Variants in MAP4K3 observed in about 807,000 individuals in gnomAD.
The protein encoded by MAP4K3 is mitogen-activated protein kinase kinase kinase kinase 3.
Under a neutral mutation model 143.5 loss-of-function variants are expected in MAP4K3, and 94 were observed. That is an observed-to-expected ratio of 0.65 (90% confidence interval 0.55 to 0.78). The LOEUF (loss-of-function observed/expected upper bound fraction) is 0.78, where lower values mean the gene tolerates loss of function less well. Among genes scored for constraint, MAP4K3 ranks in the 30% least tolerant of loss-of-function variants. The pLI, the probability that MAP4K3 is intolerant of heterozygous loss-of-function variation, is 0.00. For missense variants in MAP4K3, 1,077 were observed against 1,068.1 expected (o/e 1.01, Z -0.12); for synonymous variants, 416 against 347.2 (o/e 1.20, Z -2.20).
At chr2:39,358,128 C>A (rs1213892505) in intron 2 of MAP4K3, among the ~76,000 whole-genome samples, 1 of 152,208 alleles carries the variant, frequency 6.6e-6, no homozygotes, top group African/African-American at 2.4e-5. Flanking sequence ...CTGTACATGA[C>A]CAATAAACTC....
intron 15 of MAP4K3, among the ~76,000 whole-genome samples, chr2:39,301,782 G>C (rs1011881740): frequency 6.6e-6 from 1 of 152,194 alleles, no homozygotes; most frequent in Non-Finnish European, 1.5e-5. Flanking sequence ...CCAGCACTTC[G>C]GGAGGGCCGA....
In MAP4K3 at chr2:39,346,828, C is replaced by T. The variant is rs555359007; in HGVS notation, c.246-3376G>A. Among the ~76,000 whole-genome samples the T allele has an allele frequency of 7.9e-5, 12 of 152,172 alleles. No homozygotes were observed. The South Asian group carries it at 2.5e-3, about 32-fold the overall frequency. On this transcript the variant is annotated intron_variant, in intron 3 of 33. Transcript: ENST00000263881. ...GATTACTTAGAATTACCATTTGGCA[C>T]TTCTCTGCCTCTGCCTGAGATATAA...
chr2:39,385,109 A>G (rs1666460195), intron 1 of MAP4K3, among the ~76,000 whole-genome samples: 1 of 152,176 alleles, frequency 6.6e-6, no homozygotes, highest in Non-Finnish European at 1.5e-5. Flanking sequence ...TCATCCATTT[A>G]CCAGTTGAAG....
Position 39,369,205 on chromosome 2 carries a change from G to GTTTTTTTGTTTTTT in MAP4K3, c.154+8860_154+8861insAAAAAACAAAAAAA, listed in dbSNP as rs1553419631. Among the ~76,000 whole-genome samples the GTTTTTTTGTTTTTT allele has an allele frequency of 1.6e-4, 20 of 125,368 alleles. 2 individuals carry two copies. In the East Asian group the frequency reaches 1.6e-3, roughly 10 times the overall value. The allele number at this position is 125,368 out of a possible 152,430, so 82.2% of individuals were successfully genotyped here. ...AACCTTTGGGCTAGTTTTTTTTTTT[G>GTTTTTTTGTTTTTT]TTTTTTTTGAGATGCAGTTTTGCTC... On this transcript the variant is annotated intron_variant, in intron 2 of 33. Transcript: ENST00000263881.
Position 39,262,874 on chromosome 2 carries a change from G to A in MAP4K3, c.2137-2097C>T, listed in dbSNP as rs115587111. On this transcript the variant is annotated intron_variant, in intron 28 of 33. Coordinates refer to ENST00000263881, the MANE Select transcript of MAP4K3 (RefSeq NM_003618.4). Reference sequence around the variant, plus strand: ...AATCCCAGCACTTTGGGAGTATGACGCGGGTGGATCACCTGAGGTCAGGAG... The same window carrying A: ...AATCCCAGCACTTTGGGAGTATGACACGGGTGGATCACCTGAGGTCAGGAG... Among the ~76,000 whole-genome samples the A allele has an allele frequency of 6.8e-3, 1,037 of 152,180 alleles. 13 individuals carry two copies. The highest frequency in any genetic ancestry group is 0.024 in the African/African-American group (996 of 41,514).
intron 1 of MAP4K3, among the ~76,000 whole-genome samples, chr2:39,391,911 G>A (rs573764746): frequency 2.0e-5 from 3 of 151,998 alleles, no homozygotes; most frequent in Admixed American, 2.0e-4. Context: ...GGCCAGGCGC[G>A]GTGGCTCACA....
chr2:39,289,216 A>C (rs1051661656), intron 19 of MAP4K3, among the ~76,000 whole-genome samples: 6 of 152,186 alleles, frequency 3.9e-5, no homozygotes, highest in African/African-American at 1.4e-4. Context: ...CTCAGCACTT[A>C]TTTCTTTGAA....
At chr2:39,253,882 C>G (rs917324923) in intron 32 of MAP4K3, among the ~76,000 whole-genome samples, 7 of 152,086 alleles carry the variant, frequency 4.6e-5, no homozygotes, top group Non-Finnish European at 7.3e-5. Context: ...ATATGTCACA[C>G]AGCTTGGAGT....
At chr2:39,350,137 A>G (rs995735363) in intron 3 of MAP4K3, among the ~76,000 whole-genome samples, 2 of 152,200 alleles carry the variant, frequency 1.3e-5, no homozygotes, top group Non-Finnish European at 2.9e-5. Flanking sequence ...CACAACAAAA[A>G]AGTATCTGGC....
At chr2:39,339,199 T>A (rs372081052) in intron 4 of MAP4K3, among the ~76,000 whole-genome samples, 1 of 152,194 alleles carries the variant, frequency 6.6e-6, no homozygotes, top group African/African-American at 2.4e-5. Context: ...GAGAAATCTA[T>A]TCCAATTAGA....
intron 1 of MAP4K3, among the ~76,000 whole-genome samples, chr2:39,383,730 A>G (rs932482004): frequency 7.9e-5 from 12 of 152,136 alleles, no homozygotes; most frequent in African/African-American, 2.9e-4. Context: ...ATAAACCCTG[A>G]GCTGACATGA....
intron 1 of MAP4K3, among the ~76,000 whole-genome samples, chr2:39,415,980 A>ATAT (rs1159823679): frequency 1.4e-4 from 2 of 14,756 alleles, no homozygotes; most frequent in East Asian, 2.5e-3. Context: ...AAAAAAAAAA[A>ATAT]ATATATATAT....
chr2:39,400,379 A>G (rs1666920895), intron 1 of MAP4K3, among the ~76,000 whole-genome samples: 1 of 152,236 alleles, frequency 6.6e-6, no homozygotes, highest in South Asian at 2.1e-4. Context: ...CTGCTAAATT[A>G]GTAGGTATGC....
rs1680108212 is a variant in MAP4K3, at chr2:39,250,462, TAAAAC to T, written c.*151_*155del. 2 of 649,648 alleles carry T rather than the reference TAAAAC, an allele frequency of 3.1e-6. No individual in the cohort carries two copies. The highest frequency in any genetic ancestry group is 2.8e-5 in the East Asian group (1 of 35,802). 40.2% of individuals were successfully genotyped at this position (649,648 alleles called of 1,614,324 possible). A position where few individuals can be genotyped will look rare whatever the true frequency, so the allele number is the denominator to read the frequency against. On this transcript the variant is annotated 3_prime_UTR_variant, in exon 34 of 34. Transcript: ENST00000263881. ...ATATGCTAAATATATCCATACCACT[TAAAAC>T]AAAATTTTCCCCATCTTATCTCATG...
Position 39,325,498 on chromosome 2 carries a change from C to G in MAP4K3, c.918+20G>C, listed in dbSNP as rs756569775. ...CACATATACATGTTATATATGCCCG[C>G]TGGTAAAAGCAATTCCTACCTCAGG... is the stretch of plus-strand genomic sequence containing the variant. On this transcript the variant is annotated intron_variant, in intron 12 of 33. Transcript: ENST00000263881. 1.3e-6 allele frequency: 2 copies of G among 1,550,122 alleles called. No homozygotes were observed. Among genetic ancestry groups the G allele is most frequent in the Non-Finnish European group, 1.8e-6 (2 of 1,124,332 alleles).
At chr2:39,278,375 T>TAAA in intron 24 of MAP4K3, 32 bp downstream of exon 24, 23 of 1,102,702 alleles carry the variant, frequency 2.1e-5, no homozygotes, top group Non-Finnish European at 2.9e-5. Context: ...ACTTAAAAAT[T>TAAA]AAAAAAAAAA....
At chr2:39,377,061 C>T (rs541547677) in intron 2 of MAP4K3, among the ~76,000 whole-genome samples, 6 of 152,108 alleles carry the variant, frequency 3.9e-5, no homozygotes, top group Non-Finnish European at 7.4e-5. Flanking sequence ...TCAGCACATC[C>T]TTAAATTTTC....
intron 15 of MAP4K3, among the ~76,000 whole-genome samples, chr2:39,303,300 AAT>A (rs1682578536): frequency 6.6e-6 from 1 of 152,188 alleles, no homozygotes; most frequent in Admixed American, 6.5e-5. Flanking sequence ...GGATAATTCA[AAT>A]ATTTTTTATT....
chr2:39,376,720 G>A (rs866782297), intron 2 of MAP4K3, among the ~76,000 whole-genome samples: 1 of 152,140 alleles, frequency 6.6e-6, no homozygotes, highest in African/African-American at 2.4e-5. Context: ...GTCAAGCAAG[G>A]CTTCCTGAAA....
Sources: gnomAD v4.1 joint callset for allele counts (sites outside exome capture counted in the v4.1 genomes callset) on GRCh38, gnomAD v4.1.1 for gene constraint, MANE v1.5 for transcripts, NCBI Gene and HGNC (gene_info 2026-07-23, HGNC 2026-07-21) for gene names.